GLIS3: variants seen among roughly 807,000 people sequenced by gnomAD.
GLIS3 encodes GLIS family zinc finger 3.
GLIS3 carries 53 observed loss-of-function variants against 78.6 expected under a neutral mutation model. The observed-to-expected ratio is 0.67, with a 90% CI of 0.54 to 0.85. GLIS3 has a LOEUF of 0.85. Ranked by LOEUF, GLIS3 falls within the 40% of genes least tolerant of loss-of-function variation. The pLI, the probability that GLIS3 is intolerant of heterozygous loss-of-function variation, is 0.00. For missense variants in GLIS3, 1,703 were observed against 1,231.1 expected, an observed-to-expected ratio of 1.38 and a Z score of -5.74; for synonymous variants, 684 against 509.9, an observed-to-expected ratio of 1.34 and a Z score of -4.60.
At chr9:4,210,413 G>C (rs1820276621) in intron 2 of GLIS3, among the ~76,000 whole-genome samples, 1 of 152,228 alleles carries the variant, frequency 6.6e-6, no homozygotes, top group South Asian at 2.1e-4. Flanking sequence ...GCATTATCTG[G>C]GAAAGCATTT....
At chr9:4,328,053 C>T (rs563057235) in intron 2 of GLIS3, among the ~76,000 whole-genome samples, 1 of 152,226 alleles carries the variant, frequency 6.6e-6, no homozygotes, top group Non-Finnish European at 1.5e-5. Flanking sequence ...CCACTCCTCA[C>T]TGTTATTAGG....
At chr9:4,234,408 G>A (rs927297831) in intron 2 of GLIS3, among the ~76,000 whole-genome samples, 2 of 152,186 alleles carry the variant, frequency 1.3e-5, no homozygotes, top group Non-Finnish European at 2.9e-5. Flanking sequence ...AGCACAAGGA[G>A]AGGGAGAGAG....
At chr9:4,404,322 G>A in the GLIS3 span, among the ~76,000 whole-genome samples, 1 of 152,092 alleles carries the variant, frequency 6.6e-6, no homozygotes, top group Admixed American at 6.6e-5. Context: ...TGCCAGACAG[G>A]AAATCAACAA....
intron 5 of GLIS3, among the ~76,000 whole-genome samples, chr9:3,936,761 C>G (rs527727815): frequency 3.0e-4 from 46 of 152,338 alleles, no homozygotes; most frequent in African/African-American, 1.1e-3. Flanking sequence ...AGCCCCTAAA[C>G]TGCTTTTGCT....
At chr9:4,382,061 C>G in the GLIS3 span, among the ~76,000 whole-genome samples, 1 of 152,216 alleles carries the variant, frequency 6.6e-6, no homozygotes, top group African/African-American at 2.4e-5. Flanking sequence ...TCTACAGATA[C>G]TAATCTCGGA....
chr9:4,174,947 T>C (rs927803167), intron 2 of GLIS3, among the ~76,000 whole-genome samples: 2 of 152,202 alleles, frequency 1.3e-5, no homozygotes, highest in African/African-American at 4.8e-5. Flanking sequence ...ACGCTGGAAG[T>C]AGTGACACAG....
intron 4 of GLIS3, among the ~76,000 whole-genome samples, chr9:4,086,488 G>A (rs949058749): frequency 6.6e-6 from 1 of 152,198 alleles, no homozygotes; most frequent in African/African-American, 2.4e-5. Flanking sequence ...TGGCACATAT[G>A]CAGAATGTTT....
chr9:4,359,871 T>C, the GLIS3 span, among the ~76,000 whole-genome samples: 1 of 151,964 alleles, frequency 6.6e-6, no homozygotes, highest in Non-Finnish European at 1.5e-5. Flanking sequence ...TATTCTTCCT[T>C]TGTTCTATGC....
At chr9:4,429,669 C>A in the GLIS3 span, among the ~76,000 whole-genome samples, 1 of 152,264 alleles carries the variant, frequency 6.6e-6, no homozygotes, top group East Asian at 1.9e-4. Flanking sequence ...CTGCAAGGTT[C>A]ATGAGGATAG....
chr9:3,893,019 TG>T (rs987202106), intron 7 of GLIS3, among the ~76,000 whole-genome samples: 17 of 152,186 alleles, frequency 1.1e-4, no homozygotes, highest in Non-Finnish European at 2.1e-4. Flanking sequence ...GCTTGTGTCA[TG>T]GGGGTTTGTT....
At chr9:4,351,028 G>A (rs556092978), upstream of GLIS3, among the ~76,000 whole-genome samples, 111 of 152,198 alleles carry the variant, frequency 7.3e-4, no homozygotes, top group African/African-American at 2.6e-3. Flanking sequence ...TATATACAAG[G>A]CCTTGAAGTG....
intron 2 of GLIS3, among the ~76,000 whole-genome samples, chr9:4,235,811 G>A (rs887838467): frequency 6.6e-6 from 1 of 152,160 alleles, no homozygotes; most frequent in South Asian, 2.1e-4. Context: ...GCTGTGCTCT[G>A]GTGAAAACTG....
chr9:4,265,003 A>G (rs1587217394), intron 2 of GLIS3, among the ~76,000 whole-genome samples: 2 of 146,276 alleles, frequency 1.4e-5, no homozygotes, highest in South Asian at 4.3e-4. Flanking sequence ...CATCTCTACT[A>G]AAAATACAAA....
intron 2 of GLIS3, among the ~76,000 whole-genome samples, chr9:4,333,036 C>T (rs1304130979): frequency 1.3e-5 from 2 of 152,196 alleles, no homozygotes; most frequent in African/African-American, 4.8e-5. Context: ...TCATCTCCTT[C>T]AATCTTCAGA....
At chr9:4,424,501 G>C in the GLIS3 span, among the ~76,000 whole-genome samples, 4 of 152,184 alleles carry the variant, frequency 2.6e-5, no homozygotes. Flanking sequence ...GTCTCTTAGA[G>C]AATACTTGAT....
At chr9:4,179,373 T>C (rs763730662) in intron 2 of GLIS3, among the ~76,000 whole-genome samples, 8 of 152,180 alleles carry the variant, frequency 5.3e-5, no homozygotes, top group Non-Finnish European at 1.2e-4. Flanking sequence ...TTACAAAACA[T>C]GTGCGAGTAA....
At chr9:4,053,424 G>C (rs1411209542) in intron 4 of GLIS3, among the ~76,000 whole-genome samples, 1 of 152,034 alleles carries the variant, frequency 6.6e-6, no homozygotes, top group African/African-American at 2.4e-5. Context: ...TGACATCATT[G>C]TTTCAATCTC....
chr9:3,860,293 A>C (rs1000024593), intron 8 of GLIS3, among the ~76,000 whole-genome samples: 1 of 149,028 alleles, frequency 6.7e-6, no homozygotes, highest in Non-Finnish European at 1.5e-5. Flanking sequence ...AAAAAAAAAA[A>C]AAAAAAAAAA....
In GLIS3 at chr9:4,003,506, T is replaced by C. The variant is rs1214774907; in HGVS notation, c.1711-66317A>G. On this transcript the variant is annotated intron_variant, in intron 4 of 10. Transcript: ENST00000381971. ...ATCCCCCTTAATTGTCTCAATCTTA[T>C]AGAATTGCATGCTATAAATACACAC... Among the ~76,000 whole-genome samples the C allele has an allele frequency of 1.9e-4, 29 of 152,170 alleles. 1 individual carries two copies. Among genetic ancestry groups the C allele is most frequent in the Admixed American group, 1.9e-3 (29 of 15,274 alleles).
Sources: allele counts gnomAD v4.1 joint callset (sites outside exome capture counted in the v4.1 genomes callset), GRCh38; gene constraint gnomAD v4.1.1; transcripts MANE v1.5; gene names NCBI Gene and HGNC (gene_info 2026-07-23, HGNC 2026-07-21).